The following ARHGEF12 variants were observed in gnomAD, a reference collection of about 807,000 sequenced individuals.
ARHGEF12 encodes the protein KMT2A/ARHGEF12 fusion protein.
A neutral mutation model predicts 211.2 loss-of-function variants in ARHGEF12; 66 were observed. The ratio of observed to expected loss-of-function variants is 0.31; its 90% confidence interval spans 0.26 to 0.38. The LOEUF (loss-of-function observed/expected upper bound fraction) is 0.38. ARHGEF12 is among the 10% of genes least tolerant of loss of function. The probability of loss-of-function intolerance (pLI) is 1.00; values close to 1 mark genes in which losing one functional copy is unlikely to be tolerated. For missense variants in ARHGEF12, 1,429 were observed against 1,869.5 expected (o/e 0.76, Z 4.34); for synonymous variants, 592 against 638.4 (o/e 0.93, Z 1.09).
chr11:120,337,691 A>G, intron 1 of ARHGEF12: 1 of 985,380 alleles, frequency 1.0e-6, no homozygotes, highest in Non-Finnish European at 1.2e-6. Context: ...ACATTTTAGG[A>G]ATTTCTACCT....
At chr11:120,397,246 G>C (rs1944419111) in intron 1 of ARHGEF12, among the ~76,000 whole-genome samples, 1 of 152,134 alleles carries the variant, frequency 6.6e-6, no homozygotes, top group Non-Finnish European at 1.5e-5. Context: ...CTGGCCCTTT[G>C]TCTTACAAGG....
At chr11:120,382,964 C>T (rs1192783259) in intron 1 of ARHGEF12, among the ~76,000 whole-genome samples, 1 of 152,098 alleles carries the variant, frequency 6.6e-6, no homozygotes, top group Non-Finnish European at 1.5e-5. Flanking sequence ...ATGGTGAAAC[C>T]CCATTTCTAC....
chr11:120,337,387 A>C, intron 1 of ARHGEF12, 112 bp downstream of exon 1: 1 of 1,571,770 alleles, frequency 6.4e-7, no homozygotes, highest in Non-Finnish European at 8.6e-7. Context: ...CAGAGGAAAG[A>C]GGGTTGTTTC....
In ARHGEF12 at chr11:120,336,858, CGGA is replaced by C; in HGVS notation, c.-378_-376del. ...CGGGGAGTTCGAGGCCCCGAGACTC[CGGA>C]GGAGGAGCCGACACCCGTCCGTGAG... On this transcript the variant is annotated 5_prime_UTR_variant, in exon 1 of 41. Coordinates refer to ENST00000397843, the MANE Select transcript of ARHGEF12 (RefSeq NM_015313.3). 1 of 375,620 alleles carries C rather than the reference CGGA, an allele frequency of 2.7e-6. No individual in the cohort carries two copies. The highest frequency in any genetic ancestry group is 4.7e-6 in the Non-Finnish European group (1 of 211,886). The allele number at this position is 375,620 out of a possible 1,614,324, so 23.3% of individuals were successfully genotyped here.
At chr11:120,363,771 C>T (rs536715052) in intron 1 of ARHGEF12, among the ~76,000 whole-genome samples, 1 of 152,272 alleles carries the variant, frequency 6.6e-6, no homozygotes, top group Admixed American at 6.5e-5. Context: ...AGTGGAGGCT[C>T]CCTCTCCTCA....
At position 120,447,920 on chromosome 11, in the gene ARHGEF12, T is replaced by G. The variant is rs780593750; in HGVS notation, c.1622+14T>G. 6.4e-7 allele frequency: 1 copy of G among 1,554,328 alleles called. No individual in the cohort carries two copies. Among genetic ancestry groups the G allele is most frequent in the African/African-American group, 1.4e-5 (1 of 71,690 alleles). On this transcript the variant is annotated intron_variant, in intron 19 of 40. Transcript: ENST00000397843. ...GGAAGATAAGAGGTAACATAACTGT[T>G]TTTTTTCCCCTAGAATTTTAAGAAA...
At chr11:120,465,719 C>T (rs1002376336) in intron 28 of ARHGEF12, among the ~76,000 whole-genome samples, 2 of 152,164 alleles carry the variant, frequency 1.3e-5, no homozygotes, top group Admixed American at 6.5e-5. Context: ...CTGCCCACCT[C>T]GGCCTCCCGA....
Position 120,487,094 on chromosome 11 carries a change from A to C in ARHGEF12, c.*2017A>C. On this transcript the variant is annotated 3_prime_UTR_variant, in exon 41 of 41. Coordinates refer to ENST00000397843, the MANE Select transcript of ARHGEF12 (RefSeq NM_015313.3). ...CCTGTAGCCACTTGACACTAACACC[A>C]TCGAGGGCAATTAATCAGGAGAAAA... 4.6e-6 allele frequency: 1 copy of C among 216,810 alleles called. No individual in the cohort carries two copies. Among genetic ancestry groups the C allele is most frequent in the Non-Finnish European group, 9.3e-6 (1 of 107,684 alleles). 13.4% of individuals were successfully genotyped at this position (216,810 alleles called of 1,614,324 possible). A position where few individuals can be genotyped will look rare whatever the true frequency, so the allele number is the denominator to read the frequency against.
chr11:120,365,558 G>A (rs1943400131), intron 1 of ARHGEF12: 1 of 152,180 alleles, frequency 6.6e-6, no homozygotes, highest in Non-Finnish European at 1.5e-5. Flanking sequence ...TTTAAATTTA[G>A]TGAGGTCATT....
chr11:120,341,598 G>A (rs1942538993), intron 1 of ARHGEF12, among the ~76,000 whole-genome samples: 1 of 152,210 alleles, frequency 6.6e-6, no homozygotes, highest in African/African-American at 2.4e-5. Flanking sequence ...ACGGGTCACA[G>A]AAACAGCAAG....
At chr11:120,412,565 C>T (rs560943319) in intron 4 of ARHGEF12, among the ~76,000 whole-genome samples, 1 of 152,256 alleles carries the variant, frequency 6.6e-6, no homozygotes, top group Admixed American at 6.5e-5. Context: ...TTACATCAAC[C>T]TGGTTCTTTA....
At chr11:120,391,657 C>T (rs963119041) in intron 1 of ARHGEF12, among the ~76,000 whole-genome samples, 6 of 152,180 alleles carry the variant, frequency 3.9e-5, no homozygotes, top group Non-Finnish European at 8.8e-5. Flanking sequence ...CTAAGTTTAC[C>T]AGATTGCCTC....
intron 39 of ARHGEF12, among the ~76,000 whole-genome samples, chr11:120,482,587 T>TA (rs556082020): frequency 4.0e-5 from 6 of 151,632 alleles, no homozygotes; most frequent in Admixed American, 6.6e-5. Flanking sequence ...CTACTAAAAA[T>TA]AAAAAAAATC....
At chr11:120,472,151 G>A (rs1244236798) in intron 30 of ARHGEF12, among the ~76,000 whole-genome samples, 2 of 152,132 alleles carry the variant, frequency 1.3e-5, no homozygotes, top group East Asian at 3.9e-4. Context: ...GGGGGAATAC[G>A]TATATGAATG....
Position 120,480,267 on chromosome 11 carries a change from C to T in ARHGEF12, c.4074C>T (p.His1358=). 6.2e-7 allele frequency: 1 copy of T among 1,614,192 alleles called. No homozygotes were observed. Among genetic ancestry groups the T allele is most frequent in the East Asian group, 2.2e-5 (1 of 44,878 alleles). ...SQASNILVMD[H]MIMTPEMPTM... is the part of the protein sequence containing the mutation. ...CAAGTAACATTTTAGTAATGGACCA[C>T]ATGATTATGACCCCAGAGATGCCTA... The change falls in exon 38 of 41, where the codon CAC becomes CAT. Residue 1358 remains histidine, a synonymous_variant. Transcript: ENST00000397843.
intron 3 of ARHGEF12, chr11:120,409,089 T>C (rs1023458627): frequency 3.6e-5 from 12 of 329,822 alleles, no homozygotes; most frequent in South Asian, 1.3e-4. Context: ...CATAATGAGA[T>C]CATTATAGCT....
Position 120,457,885 on chromosome 11 carries a change from T to G in ARHGEF12, c.2225+129T>G, listed in dbSNP as rs956964025. The G allele has an allele frequency of 5.0e-6, 6 of 1,192,814 alleles. No individual in the cohort carries two copies. In the African/African-American group the frequency reaches 6.2e-5, roughly 12 times the overall value. 73.9% of individuals were successfully genotyped at this position (1,192,814 alleles called of 1,614,324 possible). On this transcript the variant is annotated intron_variant, in intron 24 of 40. Transcript: ENST00000397843. Reference sequence around the variant, plus strand: ...TCTGTTATGTAGTATAAAAGAAAGCTCTTAAGAAACACTGGTCATTCAAAA... The same window carrying G: ...TCTGTTATGTAGTATAAAAGAAAGCGCTTAAGAAACACTGGTCATTCAAAA...
chr11:120,430,879 A>G (rs1370571021), intron 10 of ARHGEF12, among the ~76,000 whole-genome samples: 2 of 152,192 alleles, frequency 1.3e-5, no homozygotes, highest in East Asian at 3.9e-4. Flanking sequence ...TTTTTTCATT[A>G]CCTTCAGTCC....
chr11:120,402,254 T>G (rs1944565371), intron 1 of ARHGEF12, among the ~76,000 whole-genome samples: 1 of 152,226 alleles, frequency 6.6e-6, no homozygotes, highest in Non-Finnish European at 1.5e-5. Flanking sequence ...CCTGTCCATT[T>G]CTGATTTTCA....
Sources: allele counts gnomAD v4.1 joint callset (sites outside exome capture counted in the v4.1 genomes callset), GRCh38; gene constraint gnomAD v4.1.1; transcripts MANE v1.5; gene names NCBI Gene and HGNC (gene_info 2026-07-23, HGNC 2026-07-21).